The following P4HA3 variants were observed in gnomAD, a reference collection of about 807,000 sequenced individuals.
P4HA3 encodes the protein prolyl 4-hydroxylase subunit alpha-3.
P4HA3 carries 60 observed loss-of-function variants against 66.7 expected under a neutral mutation model. The observed-to-expected ratio is 0.90, with a 90% CI of 0.73 to 1.12. P4HA3 has a LOEUF of 1.12. P4HA3 is among the 50% of genes most tolerant of loss of function. The probability of loss-of-function intolerance (pLI) is 0.00; values close to 1 mark genes in which losing one functional copy is unlikely to be tolerated. For missense variants in P4HA3, 683 were observed against 685.8 expected (o/e 1.00, Z 0.05); for synonymous variants, 263 against 274.6 (o/e 0.96, Z 0.42).
chr11:74,253,691 A>G, intron 15 of P4HA3: 1 of 697,332 alleles, frequency 1.4e-6, no homozygotes, highest in East Asian at 2.7e-5. Context: ...ATTGTTTTCC[A>G]GGGCCCTTGA....
In P4HA3 at chr11:74,267,097, T is replaced by C; in HGVS notation, c.*151A>G. 6.5e-7 allele frequency: 1 copy of C among 1,540,580 alleles called. No individual in the cohort carries two copies. Among genetic ancestry groups the C allele is most frequent in the Non-Finnish European group, 8.7e-7 (1 of 1,148,064 alleles). ...TTCTCAGTGTCCCCTGGTAACAACC[T>C]CTCCCTTGCCTCTGATTTGCGAGGC... On this transcript the variant is annotated 3_prime_UTR_variant, in exon 13 of 13. Coordinates refer to ENST00000331597, the MANE Select transcript of P4HA3 (RefSeq NM_182904.5).
intron 8 of P4HA3, among the ~76,000 whole-genome samples, chr11:74,278,630 A>G (rs1045796713): frequency 2.6e-5 from 4 of 152,226 alleles, no homozygotes; most frequent in Non-Finnish European, 5.9e-5. Context: ...TCTCTCTGAC[A>G]CTAGAATATC....
At chr11:74,255,801 A>G in intron 15 of P4HA3, 1 of 368,366 alleles carries the variant, frequency 2.7e-6, no homozygotes, top group Non-Finnish European at 5.5e-6. Flanking sequence ...GCATTTTAAC[A>G]AGTGCATCAA....
chr11:74,258,239 C>T (rs2135693982), intron 15 of P4HA3, among the ~76,000 whole-genome samples: 1 of 152,302 alleles, frequency 6.6e-6, no homozygotes, highest in Non-Finnish European at 1.5e-5. Context: ...TGCTAGAAAA[C>T]TCCAGCCCAT....
At chr11:74,297,981 C>G (rs567857433) in intron 4 of P4HA3, among the ~76,000 whole-genome samples, 1 of 152,322 alleles carries the variant, frequency 6.6e-6, no homozygotes, top group African/African-American at 2.4e-5. Flanking sequence ...ACTGGACTAA[C>G]AGTCTAATCC....
downstream of P4HA3, among the ~76,000 whole-genome samples, chr11:74,266,491 A>G (rs999389036): frequency 6.6e-6 from 1 of 152,218 alleles, no homozygotes; most frequent in Non-Finnish European, 1.5e-5. Context: ...ATCTGTACTG[A>G]GCATGTACAG....
At chr11:74,290,213 CA>C (rs1428385380) in intron 4 of P4HA3, among the ~76,000 whole-genome samples, 1 of 152,106 alleles carries the variant, frequency 6.6e-6, no homozygotes, top group Non-Finnish European at 1.5e-5. Context: ...AGCATTTTTT[CA>C]TGTGTTTTTT....
Position 74,298,218 on chromosome 11 carries a change from A to C in P4HA3, c.711T>G (p.Tyr237Ter), listed in dbSNP as rs1430721240. The C allele has an allele frequency of 1.2e-6, 2 of 1,613,672 alleles. No homozygotes were observed. Among genetic ancestry groups the C allele is most frequent in the Non-Finnish European group, 1.7e-6 (2 of 1,179,830 alleles). The change falls in exon 4 of 13, where the codon TAT (tyrosine) becomes TAG (stop). Residue 237 changes from tyrosine to a stop codon, truncating the protein, a stop_gained. Coordinates refer to ENST00000331597, the MANE Select transcript of P4HA3 (RefSeq NM_182904.5). LOFTEE classifies it high-confidence loss of function. ...EDALDHLAFA[Y>*]FRAGNVSCAL... ...GCTTCACTTACTCCCTTACCCGGAAATAAGCAAAGGCCAAGTGATCCAAGG... is the reference window on the plus strand; with the variant it reads ...GCTTCACTTACTCCCTTACCCGGAACTAAGCAAAGGCCAAGTGATCCAAGG...
At chr11:74,292,522 TTTTA>T (rs2134787217) in intron 4 of P4HA3, among the ~76,000 whole-genome samples, 1 of 152,354 alleles carries the variant, frequency 6.6e-6, no homozygotes, top group Non-Finnish European at 1.5e-5. Context: ...TCTCTAGTTC[TTTTA>T]ATTGTGATGT....
intron 10 of P4HA3, among the ~76,000 whole-genome samples, chr11:74,269,996 C>T (rs1214672814): frequency 1.3e-5 from 2 of 152,126 alleles, no homozygotes; most frequent in African/African-American, 4.8e-5. Flanking sequence ...TAAGTAGATT[C>T]AAACTTTTTG....
chr11:74,299,103 C>A (rs1861316463), intron 3 of P4HA3, among the ~76,000 whole-genome samples: 1 of 152,200 alleles, frequency 6.6e-6, no homozygotes, highest in Admixed American at 6.5e-5. Context: ...TAACACAATG[C>A]ATTAGACACC....
Position 74,272,030 on chromosome 11 carries a change from G to A in P4HA3, c.1398+1515C>T, listed in dbSNP as rs528063628. On this transcript the variant is annotated intron_variant, in intron 10 of 12. Coordinates refer to ENST00000331597, the MANE Select transcript of P4HA3 (RefSeq NM_182904.5). ...ACAACAACACTGTGAGGAAGCACAG[G>A]GCAAAAAGTGAGCTCACATAATAGA... Among the ~76,000 whole-genome samples the A allele has an allele frequency of 2.6e-5, 4 of 152,150 alleles. No individual in the cohort carries two copies. The East Asian group carries it at 7.7e-4, about 29-fold the overall frequency.
At chr11:74,278,243 C>T (rs528374417) in intron 8 of P4HA3, among the ~76,000 whole-genome samples, 1 of 152,200 alleles carries the variant, frequency 6.6e-6, no homozygotes, top group Non-Finnish European at 1.5e-5. Flanking sequence ...GTATTCCAGC[C>T]TGAAGAAACA....
At position 74,269,669 on chromosome 11, in the gene P4HA3, T is replaced by A. The variant is rs1341353421; in HGVS notation, c.1450A>T (p.Ser484Cys). Residue 484 changes from serine to cysteine, a missense_variant, in exon 11 of 13, where the codon AGC (serine) becomes TGC (cysteine). Transcript: ENST00000331597. ...CCACTCACCCTAACCACAGGCACGC[T>A]GAGGTTGGCATAGATGAAGGCTGTG... ...GATAFIYANL[S>C]VPVVRNAALF... 3.7e-6 allele frequency: 6 copies of A among 1,613,724 alleles called. No homozygotes were observed. The African/African-American group carries it at 8.0e-5, about 22-fold the overall frequency.
chr11:74,270,296 T>C (rs1860149294), intron 10 of P4HA3, among the ~76,000 whole-genome samples: 1 of 152,194 alleles, frequency 6.6e-6, no homozygotes, highest in Non-Finnish European at 1.5e-5. Flanking sequence ...CTGGGCATCA[T>C]AGGAACTACT....
intron 9 of P4HA3, among the ~76,000 whole-genome samples, chr11:74,274,258 C>G (rs1860312127): frequency 6.6e-6 from 1 of 151,392 alleles, no homozygotes; most frequent in Non-Finnish European, 1.5e-5. Context: ...ATCCGTTCAC[C>G]TGTTGACAGA....
chr11:74,299,733 C>T (rs959066101), intron 3 of P4HA3, among the ~76,000 whole-genome samples: 4 of 150,208 alleles, frequency 2.7e-5, no homozygotes, highest in Non-Finnish European at 5.9e-5. Context: ...AAAGCCCAAA[C>T]CATAAGCTTA....
chr11:74,300,995 G>A (rs1861389354), intron 3 of P4HA3, among the ~76,000 whole-genome samples: 1 of 152,136 alleles, frequency 6.6e-6, no homozygotes, highest in East Asian at 1.9e-4. Flanking sequence ...CAGATACAAT[G>A]TGCTGAATGA....
chr11:74,289,224 A>C, intron 4 of P4HA3, 94 bp from the exon 5 acceptor site: 2 of 1,101,658 alleles, frequency 1.8e-6, no homozygotes, highest in Admixed American at 3.3e-5. Context: ...AAAAGATAAA[A>C]TATTCTTACC....
Sources: gnomAD v4.1 joint callset for allele counts (sites outside exome capture counted in the v4.1 genomes callset) on GRCh38, gnomAD v4.1.1 for gene constraint, MANE v1.5 for transcripts, NCBI Gene and HGNC (gene_info 2026-07-23, HGNC 2026-07-21) for gene names.